The following DDHD1 variants were observed in gnomAD, a reference collection of about 807,000 sequenced individuals.
The protein encoded by DDHD1 is DDHD domain containing 1, also known as phospholipase DDHD1.
A neutral mutation model predicts 96.4 loss-of-function variants in DDHD1; 49 were observed. The ratio of observed to expected loss-of-function variants is 0.51; its 90% confidence interval spans 0.40 to 0.64. The LOEUF is 0.64. Among genes scored for constraint, DDHD1 ranks in the 30% least tolerant of loss-of-function variants. DDHD1 has a pLI of 0.00. For synonymous variants in DDHD1, 442 were observed against 446.5 expected (o/e 0.99, Z 0.13); for missense variants, 1,106 against 1,161.2 (o/e 0.95, Z 0.69).
At chr14:53,152,113 G>GAAGGTGACTGTGTAGAT in intron 1 of DDHD1, 148 bp downstream of exon 1, 1 of 833,740 alleles carries the variant, frequency 1.2e-6, no homozygotes, top group Non-Finnish European at 1.8e-6. Context: ...AGCTGCCGAC[G>GAAGGTGACTGTGTAGAT]CTCCCTGCTC....
intron 4 of DDHD1, among the ~76,000 whole-genome samples, chr14:53,074,570 C>G (rs1290351817): frequency 6.6e-6 from 1 of 151,682 alleles, no homozygotes; most frequent in African/African-American, 2.4e-5. Flanking sequence ...TTCAGTGGTC[C>G]TATTTTCCCA....
At chr14:53,089,994 C>T (rs1886298614) in intron 4 of DDHD1, among the ~76,000 whole-genome samples, 1 of 152,128 alleles carries the variant, frequency 6.6e-6, no homozygotes, top group South Asian at 2.1e-4. Context: ...GGCTAATATC[C>T]AGAATCTACA....
At chr14:53,085,917 A>G (rs1885907733) in intron 4 of DDHD1, among the ~76,000 whole-genome samples, 1 of 152,170 alleles carries the variant, frequency 6.6e-6, no homozygotes, top group Non-Finnish European at 1.5e-5. Flanking sequence ...AGATTAGATG[A>G]ATGGCTAACT....
At chr14:53,068,103 G>A (rs979226853) in intron 6 of DDHD1, among the ~76,000 whole-genome samples, 6 of 151,900 alleles carry the variant, frequency 3.9e-5, no homozygotes, top group African/African-American at 9.7e-5. Flanking sequence ...TTCTGCCAGC[G>A]TATCTAATAA....
chr14:53,052,703 C>A (rs1321250085), intron 11 of DDHD1: 2 of 151,852 alleles, frequency 1.3e-5, no homozygotes, highest in Non-Finnish European at 2.9e-5. Context: ...ATAGTTATAT[C>A]TATATCTAGA....
Position 53,045,441 on chromosome 14 carries a change from C to G in DDHD1, c.*1327G>C. On this transcript the variant is annotated 3_prime_UTR_variant, in exon 13 of 13. Coordinates refer to ENST00000673822, the MANE Select transcript of DDHD1 (RefSeq NM_001160148.2). ...GTCTCACTATGTTGCCCAAGCTGGT[C>G]TTGAAATCCTGGGCTCAAGAGATCC... 6.6e-6 allele frequency: 1 copy of G among 152,256 alleles called. No individual in the cohort carries two copies. Among genetic ancestry groups the G allele is most frequent in the Non-Finnish European group, 1.5e-5 (1 of 68,128 alleles). 9.4% of individuals were successfully genotyped at this position (152,256 alleles called of 1,614,324 possible).
chr14:53,088,879 T>A, intron 4 of DDHD1, among the ~76,000 whole-genome samples: 1 of 152,180 alleles, frequency 6.6e-6, no homozygotes, highest in Non-Finnish European at 1.5e-5. Flanking sequence ...GGAAGTCAAA[T>A]CGTCCCTACT....
chr14:53,046,770 A>C lies in DDHD1; in HGVS notation c.2701T>G (p.Ter901GlyextTer37), dbSNP rs1234997068. The C allele has an allele frequency of 1.9e-6, 3 of 1,600,418 alleles. No homozygotes were observed. In the African/African-American group the frequency reaches 4.0e-5, roughly 22 times the overall value. Reference sequence around the variant, plus strand: ...CCATTCATGTCCTTCAAGAGAGTTCAGATTGGATCTAAATTGGGTTTTGCA... The same window carrying C: ...CCATTCATGTCCTTCAAGAGAGTTCCGATTGGATCTAAATTGGGTTTTGCA... ...DDAKPNLDPI[*>G] Residue 901 changes from the stop codon to glycine, a stop_lost, in exon 13 of 13, where the codon TGA (stop) becomes GGA (glycine). Transcript: ENST00000673822.
At chr14:53,090,712 C>T (rs1005820819) in intron 4 of DDHD1, among the ~76,000 whole-genome samples, 169 of 152,036 alleles carry the variant, frequency 1.1e-3, no homozygotes, top group African/African-American at 3.6e-3. Context: ...CATCACACAC[C>T]GGGCCCCACT....
chr14:53,141,672 T>A (rs1043310782), intron 1 of DDHD1, among the ~76,000 whole-genome samples: 1 of 152,214 alleles, frequency 6.6e-6, no homozygotes, highest in African/African-American at 2.4e-5. Context: ...GTTGTCTTCA[T>A]CTTAGCTAGA....
chr14:53,050,007 A>G (rs1022263584), intron 12 of DDHD1, among the ~76,000 whole-genome samples: 7 of 152,190 alleles, frequency 4.6e-5, no homozygotes, highest in African/African-American at 1.7e-4. Flanking sequence ...CTTTCATCAG[A>G]GAATTCTTTT....
At chr14:53,047,728 T>C (rs1351809458) in intron 12 of DDHD1, among the ~76,000 whole-genome samples, 1 of 152,220 alleles carries the variant, frequency 6.6e-6, no homozygotes, top group Non-Finnish European at 1.5e-5. Flanking sequence ...AGAAAGTCCT[T>C]GCGATTACCT....
chr14:53,143,320 G>C (rs945232735), intron 1 of DDHD1, among the ~76,000 whole-genome samples: 2 of 152,216 alleles, frequency 1.3e-5, no homozygotes, highest in African/African-American at 4.8e-5. Context: ...GTGGTGATTT[G>C]AAAACAAATG....
intron 2 of DDHD1, chr14:53,096,220 T>G: frequency 1.0e-6 from 1 of 982,228 alleles, no homozygotes; most frequent in East Asian, 1.1e-4. Flanking sequence ...GGTAGACAAC[T>G]AAGAAAGCAA....
intron 4 of DDHD1, among the ~76,000 whole-genome samples, chr14:53,085,872 A>ATC (rs1885902829): frequency 6.6e-6 from 1 of 152,200 alleles, no homozygotes; most frequent in Admixed American, 6.5e-5. Flanking sequence ...GAGCATGTTC[A>ATC]AACCCATTGC....
At chr14:53,087,213 G>A (rs1343528407) in intron 4 of DDHD1, among the ~76,000 whole-genome samples, 2 of 151,946 alleles carry the variant, frequency 1.3e-5, no homozygotes, top group Non-Finnish European at 2.9e-5. Flanking sequence ...ATAATAATGG[G>A]AGACTTTAAC....
chr14:53,059,604 G>A (rs1227629470), intron 8 of DDHD1, among the ~76,000 whole-genome samples: 1 of 148,538 alleles, frequency 6.7e-6, no homozygotes, highest in African/African-American at 2.5e-5. Flanking sequence ...GGTGGCCCAC[G>A]CCTGTAATCC....
intron 4 of DDHD1, among the ~76,000 whole-genome samples, chr14:53,083,263 A>G (rs1382254422): frequency 6.6e-6 from 1 of 152,134 alleles, no homozygotes; most frequent in Non-Finnish European, 1.5e-5. Context: ...TCATGTGTTC[A>G]ACATACTGTG....
intron 6 of DDHD1, among the ~76,000 whole-genome samples, chr14:53,072,292 CA>C (rs967327911): frequency 2.6e-5 from 4 of 151,994 alleles, no homozygotes; most frequent in African/African-American, 9.7e-5. Flanking sequence ...GTTTAAAGGA[CA>C]TTTTATGTCT....
Sources: allele counts gnomAD v4.1 joint callset (sites outside exome capture counted in the v4.1 genomes callset), GRCh38; gene constraint gnomAD v4.1.1; transcripts MANE v1.5; gene names NCBI Gene and HGNC (gene_info 2026-07-23, HGNC 2026-07-21).